Variants in MAPK14 observed in about 807,000 individuals in gnomAD.
MAPK14 encodes the protein mitogen-activated protein kinase 14, also known as CSAID-binding protein.
MAPK14 carries 16 observed loss-of-function variants against 49.6 expected under a neutral mutation model. The ratio of observed to expected loss-of-function variants is 0.32; its 90% confidence interval spans 0.22 to 0.49. The LOEUF is 0.49. MAPK14 is among the 20% of genes least tolerant of loss of function. MAPK14 has a pLI of 0.99. For missense variants in MAPK14, 200 were observed against 441.2 expected, an observed-to-expected ratio of 0.45 and a Z score of 4.90; for synonymous variants, 142 against 158.0, an observed-to-expected ratio of 0.90 and a Z score of 0.76.
At chr6:36,037,002 A>G (rs936309382) in intron 1 of MAPK14, among the ~76,000 whole-genome samples, 14 of 152,162 alleles carry the variant, frequency 9.2e-5, no homozygotes, top group South Asian at 2.1e-4. Flanking sequence ...CGGCCTCCCA[A>G]AGTGCTGAGA....
At chr6:36,115,141 CAG>C (rs1766039327), downstream of MAPK14, among the ~76,000 whole-genome samples, 2 of 152,188 alleles carry the variant, frequency 1.3e-5, no homozygotes, top group Admixed American at 6.5e-5. Context: ...TGTTATATTG[CAG>C]AGTTATTTGA....
intron 3 of MAPK14, among the ~76,000 whole-genome samples, chr6:36,068,937 C>A (rs1458561584): frequency 2.0e-5 from 3 of 152,084 alleles, no homozygotes; most frequent in Admixed American, 6.6e-5. Flanking sequence ...TTAAAGAAGA[C>A]CAACTTCACA....
chr6:36,063,399 G>A (rs1763906476), intron 3 of MAPK14, among the ~76,000 whole-genome samples: 1 of 152,148 alleles, frequency 6.6e-6, no homozygotes, highest in South Asian at 2.1e-4. Context: ...ACCAGCCTGA[G>A]CAACATAGGG....
chr6:36,092,891 T>C lies in MAPK14; in HGVS notation c.683-3096T>C, dbSNP rs1447093598. ...GCTGGGGACAGGATGGTACCTGTCC[T>C]TAAAACCAGAATGATCAGACTCAGT... On this transcript the variant is annotated intron_variant, in intron 8 of 11. Transcript: ENST00000229794. Among the ~76,000 whole-genome samples, 3 of 152,188 alleles carry C rather than the reference T, an allele frequency of 2.0e-5. No homozygotes were observed. The East Asian group carries it at 5.8e-4, about 29-fold the overall frequency.
At chr6:36,073,062 T>A in intron 4 of MAPK14, 78 bp downstream of exon 4, 1 of 892,620 alleles carries the variant, frequency 1.1e-6, no homozygotes, top group Non-Finnish European at 1.8e-6. Flanking sequence ...AACAAACAAG[T>A]AAACAACTTT....
the MAPK14 span, among the ~76,000 whole-genome samples, chr6:36,124,118 T>TTC: frequency 2.6e-5 from 1 of 38,618 alleles, no homozygotes; most frequent in Non-Finnish European, 6.3e-5. Flanking sequence ...TCTCTCTCTC[T>TTC]CCTCCCTCCC....
At chr6:36,099,999 A>G (rs1320429370) in intron 9 of MAPK14, among the ~76,000 whole-genome samples, 3 of 152,224 alleles carry the variant, frequency 2.0e-5, no homozygotes, top group Non-Finnish European at 4.4e-5. Context: ...GTCACTGGCT[A>G]CGTGCCTAGT....
chr6:36,049,908 G>T (rs1763329680), intron 1 of MAPK14, among the ~76,000 whole-genome samples: 1 of 152,172 alleles, frequency 6.6e-6, no homozygotes, highest in African/African-American at 2.4e-5. Context: ...TAGATTTGGG[G>T]CTAAGCAAAT....
At chr6:36,048,516 A>G (rs1329966294) in intron 1 of MAPK14, among the ~76,000 whole-genome samples, 2 of 152,226 alleles carry the variant, frequency 1.3e-5, no homozygotes, top group Non-Finnish European at 2.9e-5. Context: ...ATGCATTTGG[A>G]AAGCATATTA....
Position 36,028,416 on chromosome 6 carries a change from C to A in MAPK14, c.116+143C>A, listed in dbSNP as rs911127675. 3 of 620,352 alleles carry A rather than the reference C, an allele frequency of 4.8e-6. No individual in the cohort carries two copies. Among genetic ancestry groups the A allele is most frequent in the Admixed American group, 2.8e-5 (1 of 35,806 alleles). The allele number at this position is 620,352 out of a possible 1,614,324, so 38.4% of individuals were successfully genotyped here. On this transcript the variant is annotated intron_variant, in intron 1 of 11. Coordinates refer to ENST00000229794, the MANE Select transcript of MAPK14 (RefSeq NM_139012.3). This position sits in a 1 kb window ranked among gnomAD's most constrained non-coding sequence, Gnocchi z 5.1. Reference sequence around the variant, plus strand: ...CATTGCTGCCCCTTCGAGCTCTGCCCGTTCTGCACCTCCAGCACCCCTCGC... The same window carrying A: ...CATTGCTGCCCCTTCGAGCTCTGCCAGTTCTGCACCTCCAGCACCCCTCGC...
rs143029467 is a variant in MAPK14 at position 36,098,456 on chromosome 6, C to T, written c.762+2390C>T. ...GGGAGGCTGAGGCAGGAGGATCACT[C>T]GAGGCCAGGAGTTTGAGGCTGCAGG... On this transcript the variant is annotated intron_variant, in intron 9 of 11. Transcript: ENST00000229794. Among the ~76,000 whole-genome samples the T allele has an allele frequency of 2.6e-3, 399 of 152,150 alleles. 1 individual carries two copies. Among genetic ancestry groups the T allele is most frequent in the African/African-American group, 9.1e-3 (377 of 41,516 alleles).
At chr6:36,040,310 C>T (rs962443881) in intron 1 of MAPK14, among the ~76,000 whole-genome samples, 1 of 152,174 alleles carries the variant, frequency 6.6e-6, no homozygotes, top group Non-Finnish European at 1.5e-5. Flanking sequence ...CCACATATCT[C>T]TTGACGGGTA....
At chr6:36,119,014 ATATT>A in the MAPK14 span, among the ~76,000 whole-genome samples, 1 of 152,248 alleles carries the variant, frequency 6.6e-6, no homozygotes, top group African/African-American at 2.4e-5. Context: ...GACACAAAAC[ATATT>A]TATTGTTGAA....
At chr6:36,081,269 C>T (rs967642444) in intron 8 of MAPK14, among the ~76,000 whole-genome samples, 22 of 151,658 alleles carry the variant, frequency 1.5e-4, no homozygotes, top group Non-Finnish European at 2.8e-4. Context: ...AATAATTTAC[C>T]CCTATGTTTT....
chr6:36,068,321 G>T (rs530873858), intron 3 of MAPK14, among the ~76,000 whole-genome samples: 1 of 152,324 alleles, frequency 6.6e-6, no homozygotes, highest in African/African-American at 2.4e-5. Context: ...ATTAGGGGCA[G>T]TGTACTGGAT....
Position 36,108,967 on chromosome 6 carries a change from T to A in MAPK14, c.*520T>A, listed in dbSNP as rs1178674620. On this transcript the variant is annotated 3_prime_UTR_variant, in exon 12 of 12. Transcript: ENST00000229794. ...ATACGTACAGCCAAAAAGGACCAACTGGCTTCTGTGCACTAGCCTGTGATT... is the reference window on the plus strand; with the variant it reads ...ATACGTACAGCCAAAAAGGACCAACAGGCTTCTGTGCACTAGCCTGTGATT... 1.3e-5 allele frequency: 2 copies of A among 158,530 alleles called. No homozygotes were observed. The highest frequency in any genetic ancestry group is 4.8e-5 in the African/African-American group (2 of 41,538). The allele number at this position is 158,530 out of a possible 1,614,324, so 9.8% of individuals were successfully genotyped here.
chr6:36,108,263 C>T, intron 11 of MAPK14, 117 bp from the exon 12 acceptor site: 1 of 738,340 alleles, frequency 1.4e-6, no homozygotes, highest in Non-Finnish European at 2.4e-6. Flanking sequence ...TGTGAGGTAG[C>T]CCATCAAACC....
intron 3 of MAPK14, among the ~76,000 whole-genome samples, chr6:36,065,153 T>G (rs1312906128): frequency 6.6e-6 from 1 of 152,242 alleles, no homozygotes; most frequent in Non-Finnish European, 1.5e-5. Flanking sequence ...CTGTCACTGT[T>G]TACTCCTTAC....
intron 9 of MAPK14, chr6:36,100,196 C>G: frequency 6.2e-7 from 1 of 1,611,204 alleles, no homozygotes; most frequent in South Asian, 1.1e-5. Context: ...AGATATTAAC[C>G]AGCTTCAGCA....
Sources: gnomAD v4.1 joint callset for allele counts (sites outside exome capture counted in the v4.1 genomes callset) on GRCh38, gnomAD v4.1.1 for gene constraint, Gnocchi (gnomAD v3.1) non-coding constraint, MANE v1.5 for transcripts, NCBI Gene and HGNC (gene_info 2026-07-23, HGNC 2026-07-21) for gene names.